MYO5B: variants seen among roughly 807,000 people sequenced by gnomAD.
MYO5B encodes the protein unconventional myosin-Vb.
MYO5B carries 143 observed loss-of-function variants against 229.3 expected under a neutral mutation model. That is an observed-to-expected ratio of 0.62 (90% CI 0.54 to 0.72). The LOEUF (loss-of-function observed/expected upper bound fraction) is 0.72, where lower values mean the gene tolerates loss of function less well. Among genes scored for constraint, MYO5B ranks in the 30% least tolerant of loss-of-function variants. The pLI is 0.00. For missense variants in MYO5B, 2,321 were observed against 2,331.0 expected, an observed-to-expected ratio of 1.00 and a Z score of 0.09; for synonymous variants, 918 against 885.2, an observed-to-expected ratio of 1.04 and a Z score of -0.66.
chr18:50,034,527 T>C (rs986162080), intron 4 of MYO5B, among the ~76,000 whole-genome samples: 2 of 152,174 alleles, frequency 1.3e-5, no homozygotes, highest in African/African-American at 2.4e-5. Flanking sequence ...GTGGATTACC[T>C]GAGGTCAGAA....
chr18:49,937,959 G>A (rs2025269670), intron 14 of MYO5B, among the ~76,000 whole-genome samples: 1 of 152,120 alleles, frequency 6.6e-6, no homozygotes, highest in South Asian at 2.1e-4. Flanking sequence ...GAAACCCAGT[G>A]AATTGTGTGC....
At chr18:49,937,423 T>C (rs2025263856) in intron 14 of MYO5B, 26 bp from the exon 15 acceptor site, 5 of 1,612,266 alleles carry the variant, frequency 3.1e-6, no homozygotes, top group Non-Finnish European at 3.4e-6. Flanking sequence ...GGAAGAATGA[T>C]GAAAGTGACA....
chr18:49,897,897 A>ACAT (rs1378184382), intron 21 of MYO5B, among the ~76,000 whole-genome samples: 22 of 152,290 alleles, frequency 1.4e-4, no homozygotes, highest in Admixed American at 2.0e-4. Context: ...CTCACCCTAC[A>ACAT]CATCTTCCAG....
chr18:50,167,365 A>G (rs2032866396), intron 1 of MYO5B, among the ~76,000 whole-genome samples: 1 of 152,198 alleles, frequency 6.6e-6, no homozygotes, highest in Non-Finnish European at 1.5e-5. Context: ...TACTGACCCC[A>G]AATAAGAAGG....
chr18:49,870,524 C>T (rs2024445105), intron 27 of MYO5B, among the ~76,000 whole-genome samples: 1 of 152,186 alleles, frequency 6.6e-6, no homozygotes, highest in African/African-American at 2.4e-5. Flanking sequence ...ATTTGCCAAT[C>T]ATGTATCTGA....
At chr18:49,933,217 C>T (rs1407933265) in intron 16 of MYO5B, among the ~76,000 whole-genome samples, 9 of 152,296 alleles carry the variant, frequency 5.9e-5, no homozygotes, top group East Asian at 1.9e-4. Flanking sequence ...GGCTGGCCTT[C>T]GGAAAACCAG....
chr18:50,034,373 A>G (rs1478390192), intron 4 of MYO5B, among the ~76,000 whole-genome samples: 1 of 152,256 alleles, frequency 6.6e-6, no homozygotes, highest in Non-Finnish European at 1.5e-5. Context: ...TTGGCTCAAC[A>G]GATTCTGCTG....
chr18:50,014,278 G>T (rs1478489846), intron 4 of MYO5B, among the ~76,000 whole-genome samples: 3 of 55,562 alleles, frequency 5.4e-5, no homozygotes, highest in African/African-American at 4.3e-5. Flanking sequence ...GATGAGAAAG[G>T]AAAAAAAAAA....
intron 2 of MYO5B, among the ~76,000 whole-genome samples, chr18:50,040,525 G>A (rs749300221): frequency 6.6e-6 from 1 of 152,186 alleles, no homozygotes; most frequent in African/African-American, 2.4e-5. Flanking sequence ...AACCCACAGA[G>A]CTCAGGAAAC....
At chr18:49,859,054 A>C (rs1431056752) in intron 29 of MYO5B, among the ~76,000 whole-genome samples, 1 of 152,230 alleles carries the variant, frequency 6.6e-6, no homozygotes, top group Non-Finnish European at 1.5e-5. Flanking sequence ...GAGATAAGTT[A>C]ACTCACTGCA....
intron 1 of MYO5B, among the ~76,000 whole-genome samples, chr18:50,112,584 T>C (rs1157038816): frequency 5.9e-5 from 9 of 152,306 alleles, no homozygotes; most frequent in African/African-American, 1.9e-4. Context: ...TGAGACTGGT[T>C]ATGCCCCACG....
intron 4 of MYO5B, among the ~76,000 whole-genome samples, chr18:50,007,992 T>G (rs924076045): frequency 1.3e-5 from 2 of 152,138 alleles, no homozygotes; most frequent in African/African-American, 2.4e-5. Context: ...GGCTTCCATC[T>G]CCTTGCACAA....
At chr18:49,917,783 G>T (rs1259764634) in intron 17 of MYO5B, among the ~76,000 whole-genome samples, 2 of 152,186 alleles carry the variant, frequency 1.3e-5, no homozygotes, top group East Asian at 3.9e-4. Flanking sequence ...TCAGGGGCCT[G>T]GCTGAGCATT....
At chr18:50,003,243 T>C (rs2144330167) in intron 4 of MYO5B, among the ~76,000 whole-genome samples, 1 of 152,318 alleles carries the variant, frequency 6.6e-6, no homozygotes, top group African/African-American at 2.4e-5. Context: ...GTAGGCATTG[T>C]TGAGAAGACA....
At chr18:50,013,323 A>G (rs2026182208) in intron 4 of MYO5B, among the ~76,000 whole-genome samples, 1 of 152,234 alleles carries the variant, frequency 6.6e-6, no homozygotes, top group South Asian at 2.1e-4. Context: ...ATCCTGGCCT[A>G]CAGGTCTGAG....
In MYO5B at chr18:50,105,252, A is replaced by AAAT. The variant is rs1568108377; in HGVS notation, c.28-49877_28-49875dup. ...ATAAATAAATAAATAAATAAATAAAAAATAGATAAAATAGCTGCTGATGCT... is the reference window on the plus strand; with the variant it reads ...ATAAATAAATAAATAAATAAATAAAAAATAATAGATAAAATAGCTGCTGATGCT... On this transcript the variant is annotated intron_variant, in intron 1 of 39. Transcript: ENST00000285039. 2.2e-4 allele frequency among the ~76,000 whole-genome samples: 29 copies of AAAT among 130,558 alleles called. 1 individual carries two copies. The highest frequency in any genetic ancestry group is 8.0e-4 in the African/African-American group (26 of 32,376). The allele number at this position is 130,558 out of a possible 152,430, so 85.7% of individuals were successfully genotyped here.
rs182024301 is a variant in MYO5B, at chr18:50,140,281, C to T, written c.27+54486G>A. Among the ~76,000 whole-genome samples, 357 of 152,308 alleles carry T rather than the reference C, an allele frequency of 2.3e-3. 7 individuals carry two copies. The highest frequency in any genetic ancestry group is 0.022 in the Admixed American group (334 of 15,298). ...ATGAATGACGGCTATTTGCAAAATG[C>T]TCAAGGAAAGCAACACATTATCTTT... On this transcript the variant is annotated intron_variant, in intron 1 of 39. Coordinates refer to ENST00000285039, the MANE Select transcript of MYO5B (RefSeq NM_001080467.3).
intron 18 of MYO5B, among the ~76,000 whole-genome samples, chr18:49,908,266 C>T (rs1255242872): frequency 6.6e-6 from 1 of 152,204 alleles, no homozygotes; most frequent in Non-Finnish European, 1.5e-5. Context: ...TCCATACTGT[C>T]CTCACCCTGT....
intron 3 of MYO5B, among the ~76,000 whole-genome samples, chr18:50,039,268 TAA>T (rs1445694218): frequency 2.6e-5 from 4 of 152,184 alleles, no homozygotes; most frequent in African/African-American, 9.7e-5. Context: ...CAATACTCTT[TAA>T]AAAGAGAGAG....
Sources: gnomAD v4.1 joint callset for allele counts (sites outside exome capture counted in the v4.1 genomes callset) on GRCh38, gnomAD v4.1.1 for gene constraint, MANE v1.5 for transcripts, NCBI Gene and HGNC (gene_info 2026-07-23, HGNC 2026-07-21) for gene names.